The following AIFM2 variants were observed in gnomAD, a reference collection of about 807,000 sequenced individuals.
The protein encoded by AIFM2 is ferroptosis suppressor protein 1.
Under a neutral mutation model 35.7 loss-of-function variants are expected in AIFM2, and 38 were observed. The ratio of observed to expected loss-of-function variants is 1.06; its 90% CI spans 0.82 to 1.39. AIFM2 has a LOEUF of 1.39. AIFM2 is among the 40% of genes most tolerant of loss of function. The pLI is 0.00. For synonymous variants in AIFM2, 185 were observed against 203.5 expected, an observed-to-expected ratio of 0.91 and a Z score of 0.77; for missense variants, 476 against 491.2, an observed-to-expected ratio of 0.97 and a Z score of 0.29.
rs1189382080 is a variant in AIFM2 at position 70,118,026 on chromosome 10, G to A, written c.508-106C>T. The A allele has an allele frequency of 5.1e-6, 4 of 779,146 alleles. No homozygotes were observed. The African/African-American group carries it at 5.3e-5, about 10-fold the overall frequency. 48.3% of individuals were successfully genotyped at this position (779,146 alleles called of 1,614,324 possible). On this transcript the variant is annotated intron_variant, in intron 5 of 8. Coordinates refer to ENST00000307864, the MANE Select transcript of AIFM2 (RefSeq NM_032797.6). The stretch of plus-strand genomic sequence containing the variant: ...CTCATACCTCCAGGTTACAGATGAG[G>A]AAACTGAAGCTCCAGAGAAGTAATC...
rs938724901 is a variant in AIFM2 at position 70,113,471 on chromosome 10, G to A, written c.*707C>T. 2.0e-5 allele frequency: 3 copies of A among 152,334 alleles called. No homozygotes were observed. Among genetic ancestry groups the A allele is most frequent in the African/African-American group, 7.2e-5 (3 of 41,456 alleles). The allele number at this position is 152,334 out of a possible 1,614,324, so 9.4% of individuals were successfully genotyped here. On this transcript the variant is annotated 3_prime_UTR_variant, in exon 9 of 9. Coordinates refer to ENST00000307864, the MANE Select transcript of AIFM2 (RefSeq NM_032797.6). ...GAACCCAGAAGGCGTAGGTTGCAGT[G>A]AGCTGAGATCGTGCCACTGCACTCC...
At chr10:70,120,898 G>A (rs562153590) in intron 4 of AIFM2, among the ~76,000 whole-genome samples, 194 bp downstream of exon 4, 2 of 152,170 alleles carry the variant, frequency 1.3e-5, no homozygotes, top group Non-Finnish European at 2.9e-5. Flanking sequence ...CAGGTTTAGG[G>A]TGCTCACATC....
chr10:70,121,326 A>G, intron 3 of AIFM2, 115 bp from the exon 4 acceptor site: 1 of 1,394,856 alleles, frequency 7.2e-7, no homozygotes, highest in Non-Finnish European at 9.3e-7. Context: ...GGGACAAACC[A>G]GGCAAAGAGG....
intron 5 of AIFM2, among the ~76,000 whole-genome samples, chr10:70,119,630 C>T (rs2072475901): frequency 6.6e-6 from 1 of 152,182 alleles, no homozygotes; most frequent in Non-Finnish European, 1.5e-5. Context: ...ATCAATCACT[C>T]ATCATAATTT....
In AIFM2 at chr10:70,117,298, G is replaced by T. The variant is rs955938350; in HGVS notation, c.616+514C>A. On this transcript the variant is annotated intron_variant, in intron 6 of 8. Coordinates refer to ENST00000307864, the MANE Select transcript of AIFM2 (RefSeq NM_032797.6). The surrounding 1 kb of genome is among the most constrained non-coding windows in gnomAD (Gnocchi z 4.7). ...TCACCCTCCCGCAAACAGTGAGGGGGCTGGGGCCCCATGCAGTGAAGTGTA... is the reference window on the plus strand; with the variant it reads ...TCACCCTCCCGCAAACAGTGAGGGGTCTGGGGCCCCATGCAGTGAAGTGTA... Among the ~76,000 whole-genome samples the T allele has an allele frequency of 2.4e-4, 36 of 152,164 alleles. No homozygotes were observed. Among genetic ancestry groups the T allele is most frequent in the Non-Finnish European group, 8.8e-5 (6 of 68,026 alleles).
chr10:70,132,300 T>C (rs2072634679), intron 1 of AIFM2, among the ~76,000 whole-genome samples: 1 of 152,162 alleles, frequency 6.6e-6, no homozygotes, highest in South Asian at 2.1e-4. Flanking sequence ...TCTTAGAGAC[T>C]GAGGTTTCTC....
At chr10:70,129,045 C>G (rs1332614499) in intron 1 of AIFM2, among the ~76,000 whole-genome samples, 1 of 151,594 alleles carries the variant, frequency 6.6e-6, no homozygotes, top group South Asian at 2.1e-4. Context: ...TTCTTAGGGA[C>G]AGGGTCTTGC....
At chr10:70,127,087 T>G (rs1025108692) in intron 1 of AIFM2, among the ~76,000 whole-genome samples, 4 of 152,216 alleles carry the variant, frequency 2.6e-5, no homozygotes, top group African/African-American at 9.6e-5. Context: ...GAGGTAGCAG[T>G]GCACACCAGG....
At chr10:70,119,574 T>G (rs1325803237) in intron 5 of AIFM2, among the ~76,000 whole-genome samples, 1 of 152,176 alleles carries the variant, frequency 6.6e-6, no homozygotes, top group Non-Finnish European at 1.5e-5. Flanking sequence ...CAGTTTGGTT[T>G]TTCCCTATAG....
chr10:70,115,256 CTGGA>C, intron 7 of AIFM2, 136 bp from the exon 8 acceptor site: 1 of 839,214 alleles, frequency 1.2e-6, no homozygotes, highest in African/African-American at 1.7e-5. Flanking sequence ...TGACCACCCC[CTGGA>C]GGTGCCTGCT....
intron 2 of AIFM2, 29 bp from the exon 3 acceptor site, chr10:70,123,549 G>T: frequency 1.2e-6 from 2 of 1,600,010 alleles, no homozygotes; most frequent in Non-Finnish European, 1.7e-6. Context: ...AGAGGTCATA[G>T]GGCAGAGCCA....
chr10:70,120,737 T>G (rs2072491523), intron 4 of AIFM2, 138 bp from the exon 5 acceptor site: 3 of 929,536 alleles, frequency 3.2e-6, no homozygotes, highest in Admixed American at 2.0e-5. Context: ...AGTCCAAACG[T>G]GCTTCCTCCC....
chr10:70,125,956 T>TGCTGTAGGG lies in AIFM2; in HGVS notation c.-13-1860_-13-1859insCCCTACAGC, dbSNP rs1217347581. On this transcript the variant is annotated intron_variant, in intron 1 of 8. Coordinates refer to ENST00000307864, the MANE Select transcript of AIFM2 (RefSeq NM_032797.6). Reference sequence around the variant, plus strand: ...CCTACAGCAGCAAAGTTGCCTGGGCTCCCCAAGCCAGCCTGGAAGGCTGGT... The same window carrying TGCTGTAGGG: ...CCTACAGCAGCAAAGTTGCCTGGGCTGCTGTAGGGCCCCAAGCCAGCCTGGAAGGCTGGT... Among the ~76,000 whole-genome samples, 999 of 152,340 alleles carry TGCTGTAGGG rather than the reference T, an allele frequency of 6.6e-3. 19 individuals are homozygous for TGCTGTAGGG. The highest frequency in any genetic ancestry group is 0.023 in the African/African-American group (946 of 41,576).
At chr10:70,120,812 A>G (rs949495816) in intron 4 of AIFM2, among the ~76,000 whole-genome samples, 1 of 152,114 alleles carries the variant, frequency 6.6e-6, no homozygotes, top group Non-Finnish European at 1.5e-5. Context: ...ACAGAGCCTT[A>G]TGAAAACAGG....
chr10:70,120,085 T>C (rs2072481642), intron 5 of AIFM2, among the ~76,000 whole-genome samples: 1 of 152,218 alleles, frequency 6.6e-6, no homozygotes, highest in Non-Finnish European at 1.5e-5. Flanking sequence ...AAGCAACAAC[T>C]GAAGGTGTCT....
rs913712386 is a variant in AIFM2, at chr10:70,112,996, T to TG, written c.*1181dup. ...GCCCATAAGTAACCTAGAAATATGCTGGGGGTCACCCGCAGAAACCCCCTC... is the reference window on the plus strand; with the variant it reads ...GCCCATAAGTAACCTAGAAATATGCTGGGGGGTCACCCGCAGAAACCCCCTC... On this transcript the variant is annotated 3_prime_UTR_variant, in exon 9 of 9. Transcript: ENST00000307864. 4 of 152,188 alleles carry TG rather than the reference T, an allele frequency of 2.6e-5. No individual in the cohort carries two copies. Among genetic ancestry groups the TG allele is most frequent in the African/African-American group, 9.7e-5 (4 of 41,436 alleles). 9.4% of individuals were successfully genotyped at this position (152,188 alleles called of 1,614,324 possible).
rs749385056 is a variant in AIFM2 at position 70,120,605 on chromosome 10, G to A, written c.415-6C>T. ...ATGAACCGTGAGCGCTGGACCTGGAGAAGAGGACATGTGAAACAGGGACAT... is the reference window on the plus strand; with the variant it reads ...ATGAACCGTGAGCGCTGGACCTGGAAAAGAGGACATGTGAAACAGGGACAT... On this transcript the variant is annotated splice_region_variant and splice_polypyrimidine_tract_variant and intron_variant, in intron 4 of 8. Transcript: ENST00000307864. 2.8e-5 allele frequency: 45 copies of A among 1,613,908 alleles called. No homozygotes were observed. The Admixed American group carries it at 7.3e-4, about 26-fold the overall frequency.
chr10:70,113,846 AC>A lies in AIFM2; in HGVS notation c.*331del. On this transcript the variant is annotated 3_prime_UTR_variant, in exon 9 of 9. Transcript: ENST00000307864. ...GCACGCGTCATGACCACAAGCACGTACACACACATGCACATCCCAGAGGAGG... is the reference window on the plus strand; with the variant it reads ...GCACGCGTCATGACCACAAGCACGTAACACACATGCACATCCCAGAGGAGG... 3.6e-6 allele frequency: 1 copy of A among 274,618 alleles called. No individual in the cohort carries two copies. Among genetic ancestry groups the A allele is most frequent in the Non-Finnish European group, 6.9e-6 (1 of 144,368 alleles). 17.0% of individuals were successfully genotyped at this position (274,618 alleles called of 1,614,324 possible).
At chr10:70,121,582 A>G (rs1409364772) in intron 3 of AIFM2, among the ~76,000 whole-genome samples, 1 of 152,104 alleles carries the variant, frequency 6.6e-6, no homozygotes, top group Non-Finnish European at 1.5e-5. Context: ...GGTGTTTTAG[A>G]AGAACCCTCC....
Sources: gnomAD v4.1 joint callset for allele counts (sites outside exome capture counted in the v4.1 genomes callset) on GRCh38, gnomAD v4.1.1 for gene constraint, Gnocchi (gnomAD v3.1) non-coding constraint, MANE v1.5 for transcripts, NCBI Gene and HGNC (gene_info 2026-07-23, HGNC 2026-07-21) for gene names.